Variants in PCDH11X observed in about 807,000 individuals in gnomAD.
The protein encoded by PCDH11X is protocadherin-11 X-linked.
A neutral mutation model predicts 53.3 loss-of-function variants in PCDH11X; 18 were observed. The observed-to-expected ratio is 0.34, with a 90% CI of 0.23 to 0.50. The LOEUF is 0.50. PCDH11X is among the 20% of genes least tolerant of loss of function. PCDH11X has a pLI of 0.98. For synonymous variants in PCDH11X, 279 were observed against 393.3 expected (o/e 0.71, Z 3.44); for missense variants, 570 against 1,032.4 (o/e 0.55, Z 6.14).
At chrX:91,794,368 C>A (rs1007600821) in intron 1 of PCDH11X, among the ~76,000 whole-genome samples, 1 of 111,363 alleles carries the variant, frequency 9.0e-6, no homozygotes, top group African/African-American at 3.3e-5. Flanking sequence ...ATTCCATGAG[C>A]TTTTCACCAT....
At chrX:92,285,305 G>A (rs1239225303) in intron 8 of PCDH11X, among the ~76,000 whole-genome samples, 4 of 96,218 alleles carry the variant, frequency 4.2e-5, no homozygotes, top group Non-Finnish European at 8.1e-5. Flanking sequence ...CCAGGCTGGA[G>A]TGCAATGGCG....
chrX:92,167,589 T>C (rs1228184602), intron 6 of PCDH11X, among the ~76,000 whole-genome samples: 1 of 111,805 alleles, frequency 8.9e-6, no homozygotes, highest in Admixed American at 9.6e-5. Flanking sequence ...AACAAAGTTA[T>C]AGAATATAGT....
At chrX:92,013,013 G>C (rs1253928016) in intron 6 of PCDH11X, among the ~76,000 whole-genome samples, 2 of 111,410 alleles carry the variant, frequency 1.8e-5, no homozygotes, top group Non-Finnish European at 3.8e-5. Context: ...TCAACATAGT[G>C]TTGGAAGTTC....
rs1226393982 is a variant in PCDH11X at position 92,148,116 on chromosome X, TTC to T, written c.3034-53257_3034-53256del. ...TTTCTTTCTTTCTTTCTTTCTTTCT[TTC>T]TTTCTTTCTTTCTTTTTCCTTCCTT... On this transcript the variant is annotated intron_variant, in intron 6 of 10. Transcript: ENST00000682573. Among the ~76,000 whole-genome samples the T allele has an allele frequency of 1.4e-3, 24 of 17,067 alleles. No individual in the cohort carries two copies. The East Asian group carries it at 0.017, about 12-fold the overall frequency. 14.8% of individuals were successfully genotyped at this position (17,067 alleles called of 115,157 possible).
intron 1 of PCDH11X, among the ~76,000 whole-genome samples, chrX:91,779,905 A>G (rs1201835176): frequency 9.0e-6 from 1 of 110,916 alleles, no homozygotes; most frequent in Non-Finnish European, 1.9e-5. Flanking sequence ...ATCTTTTTGC[A>G]CTACCACCGC....
chrX:92,486,795 A>T (rs1012144575), intron 10 of PCDH11X, among the ~76,000 whole-genome samples: 1 of 109,489 alleles, frequency 9.1e-6, no homozygotes, highest in African/African-American at 3.3e-5. Context: ...GTACAAATTG[A>T]GAACAACATT....
intron 6 of PCDH11X, among the ~76,000 whole-genome samples, chrX:92,088,606 T>C (rs747350798): frequency 2.7e-5 from 3 of 111,773 alleles, no homozygotes; most frequent in Admixed American, 9.6e-5. Flanking sequence ...CAAGTTTTGA[T>C]TGGAGGAGCC....
chrX:92,484,153 ATATATG>A (rs2073575492), intron 10 of PCDH11X, among the ~76,000 whole-genome samples: 3 of 43,057 alleles, frequency 7.0e-5, no homozygotes, highest in Non-Finnish European at 1.4e-4. Context: ...ATATATATGT[ATATATG>A]TATATATGTA....
intron 4 of PCDH11X, among the ~76,000 whole-genome samples, chrX:91,824,831 G>C (rs940278842): frequency 9.3e-6 from 1 of 108,015 alleles, no homozygotes; most frequent in Non-Finnish European, 1.9e-5. Flanking sequence ...CTTTGATGAT[G>C]GTGATGTACA....
chrX:91,888,536 T>A (rs1359657036), intron 6 of PCDH11X, among the ~76,000 whole-genome samples: 4 of 109,545 alleles, frequency 3.7e-5, no homozygotes, highest in Non-Finnish European at 7.6e-5. Context: ...ATATCTGTGG[T>A]CTCAGCTACT....
intron 6 of PCDH11X, among the ~76,000 whole-genome samples, chrX:91,919,523 T>A (rs1183428555): frequency 9.0e-6 from 1 of 111,379 alleles, no homozygotes; most frequent in African/African-American, 3.3e-5. Flanking sequence ...ATTTGCATAT[T>A]TTTTTCTTTG....
intron 10 of PCDH11X, among the ~76,000 whole-genome samples, chrX:92,602,450 A>G (rs2556807): frequency 2.7e-5 from 3 of 112,514 alleles, no homozygotes; most frequent in Non-Finnish European, 5.6e-5. Flanking sequence ...AAGGGGCTCA[A>G]ATTTGATTGT....
intron 5 of PCDH11X, among the ~76,000 whole-genome samples, chrX:91,854,759 CT>C (rs1427171897): frequency 8.9e-6 from 1 of 112,045 alleles, no homozygotes; most frequent in African/African-American, 3.2e-5. Flanking sequence ...TGTCAAACAT[CT>C]TTTCATATGC....
At chrX:92,160,594 T>G (rs150355288) in intron 6 of PCDH11X, among the ~76,000 whole-genome samples, 2 of 109,367 alleles carry the variant, frequency 1.8e-5, no homozygotes, top group African/African-American at 6.6e-5. Context: ...ATTTTTGCAA[T>G]TGTAAATTTT....
intron 6 of PCDH11X, among the ~76,000 whole-genome samples, chrX:92,033,219 T>C (rs1243605004): frequency 8.1e-5 from 9 of 110,792 alleles, no homozygotes; most frequent in Non-Finnish European, 1.7e-4. Context: ...TGACATGTCT[T>C]TGCTTTTGGT....
At chrX:92,285,934 T>A (rs984692872) in intron 8 of PCDH11X, among the ~76,000 whole-genome samples, 3 of 112,183 alleles carry the variant, frequency 2.7e-5, no homozygotes, top group African/African-American at 9.7e-5. Flanking sequence ...AACAAAGGAA[T>A]GGGTTCTGGC....
intron 5 of PCDH11X, among the ~76,000 whole-genome samples, chrX:91,837,276 A>G (rs902954565): frequency 3.6e-5 from 4 of 111,888 alleles, no homozygotes; most frequent in Non-Finnish European, 5.6e-5. Flanking sequence ...GTTTGAGTAT[A>G]TGAAGTGAAA....
chrX:92,396,669 C>G (rs1405496834), intron 9 of PCDH11X, among the ~76,000 whole-genome samples: 2 of 106,136 alleles, frequency 1.9e-5, no homozygotes, highest in African/African-American at 6.9e-5. Flanking sequence ...CATGGTGAAA[C>G]CCCGTGTCTA....
intron 8 of PCDH11X, among the ~76,000 whole-genome samples, chrX:92,385,659 C>A (rs1283428432): frequency 9.1e-6 from 1 of 110,305 alleles, no homozygotes; most frequent in Non-Finnish European, 1.9e-5. Context: ...CATGGTGAAA[C>A]CCCATCTCTA....
Sources: allele counts gnomAD v4.1 joint callset (sites outside exome capture counted in the v4.1 genomes callset), GRCh38; gene constraint gnomAD v4.1.1; transcripts MANE v1.5; gene names NCBI Gene and HGNC (gene_info 2026-07-23, HGNC 2026-07-21).